The following CDHR3 variants were observed in gnomAD, a reference collection of about 807,000 sequenced individuals.
CDHR3 encodes cadherin-related family member 3.
Under a neutral mutation model 86.6 loss-of-function variants are expected in CDHR3, and 79 were observed. That is an observed-to-expected ratio of 0.91 (90% CI 0.76 to 1.10). The LOEUF (loss-of-function observed/expected upper bound fraction) is 1.10. CDHR3 is among the 50% of genes least tolerant of loss of function. The pLI is 0.00. For synonymous variants in CDHR3, 421 were observed against 402.4 expected (o/e 1.05, Z -0.55); for missense variants, 1,081 against 1,077.6 (o/e 1.00, Z -0.04).
At chr7:106,020,325 C>T (rs377065669) in intron 12 of CDHR3, 48 bp from the exon 13 acceptor site, 213 of 1,511,938 alleles carry the variant, frequency 1.4e-4, no homozygotes, top group Non-Finnish European at 1.8e-4. Context: ...ACAGTAAGCA[C>T]TCAATGAGTT....
Position 106,022,447 on chromosome 7 carries a change from G to A in CDHR3, c.2075G>A (p.Arg692Lys). The change falls in exon 14 of 19, where the codon AGG becomes AAG. Residue 692 changes from arginine (R) to lysine (K), a missense_variant and splice_region_variant. Coordinates refer to ENST00000317716, the MANE Select transcript of CDHR3 (RefSeq NM_152750.5). Reference sequence around the variant, plus strand: ...ACCACTATCATCACCACGACCCCCAGGGTAAGGGCTTTAGGACCTGGAATC... The same window carrying A: ...ACCACTATCATCACCACGACCCCCAAGGTAAGGGCTTTAGGACCTGGAATC... ...HPTTIITTTP[R>K]PRVTYQVLRK... 6.2e-7 allele frequency: 1 copy of A among 1,613,182 alleles called. No homozygotes were observed. Among genetic ancestry groups the A allele is most frequent in the Non-Finnish European group, 8.5e-7 (1 of 1,179,310 alleles).
chr7:106,032,684 A>G lies in CDHR3; in HGVS notation c.2645A>G (p.His882Arg). 6.2e-7 allele frequency: 1 copy of G among 1,611,042 alleles called. No homozygotes were observed. Among genetic ancestry groups the G allele is most frequent in the Middle Eastern group, 1.7e-4 (1 of 6,006 alleles). ...AFMNRAYPKP[H>R]PGK The stretch of plus-strand genomic sequence containing the variant: ...ATGAACAGGGCTTACCCCAAACCAC[A>G]CCCAGGAAAGTAAACGGGGTCTAAG... Residue 882 changes from histidine to arginine, a missense_variant, in exon 19 of 19, where the codon CAC becomes CGC. Transcript: ENST00000317716.
At chr7:106,015,733 T>C (rs1410266925) in intron 10 of CDHR3, 194 bp from the exon 11 acceptor site, 6 of 627,832 alleles carry the variant, frequency 9.6e-6, no homozygotes, top group Non-Finnish European at 1.7e-5. Flanking sequence ...CTGGGTTCTG[T>C]AGTGCTCTGT....
At chr7:106,021,812 A>G (rs1050177357) in intron 13 of CDHR3, among the ~76,000 whole-genome samples, 1 of 152,204 alleles carries the variant, frequency 6.6e-6, no homozygotes, top group African/African-American at 2.4e-5. Context: ...AAACCCACTC[A>G]TTTGTTTGAG....
chr7:106,017,959 A>G lies in CDHR3; in HGVS notation c.1540A>G (p.Ile514Val), dbSNP rs905438957. The G allele has an allele frequency of 4.3e-6, 7 of 1,613,722 alleles. No homozygotes were observed. The African/African-American group carries it at 6.7e-5, about 15-fold the overall frequency. ...CCTCCAGTATCCAAATGTATTTTGGATTAATCCCAAGACAGGAGAACTCCA... is the reference window on the plus strand; with the variant it reads ...CCTCCAGTATCCAAATGTATTTTGGGTTAATCCCAAGACAGGAGAACTCCA... ...ASLQYPNVFWINPKTGELQLV... is the reference protein window; with the variant it reads ...ASLQYPNVFWVNPKTGELQLV... The change falls in exon 12 of 19, where the codon ATT (isoleucine) becomes GTT (valine). Residue 514 changes from isoleucine to valine, a missense_variant. Ile to Val is a conservative substitution (Grantham distance 29). Transcript: ENST00000317716.
At chr7:106,021,384 C>A (rs893575518) in intron 13 of CDHR3, among the ~76,000 whole-genome samples, 1 of 152,080 alleles carries the variant, frequency 6.6e-6, no homozygotes, top group African/African-American at 2.4e-5. Flanking sequence ...GAAACTGCCT[C>A]GAGACTGCAG....
At chr7:105,969,127 T>G (rs1214200716) in intron 1 of CDHR3, among the ~76,000 whole-genome samples, 4 of 148,060 alleles carry the variant, frequency 2.7e-5, no homozygotes, top group Admixed American at 2.7e-4. Context: ...CCGGGCGTGG[T>G]GGCTCACGCC....
intron 4 of CDHR3, 107 bp downstream of exon 4, chr7:105,984,396 G>C: frequency 1.5e-6 from 1 of 681,202 alleles, no homozygotes; most frequent in Non-Finnish European, 2.4e-6. Context: ...GGCAGTCAGG[G>C]GAATGTGCGT....
chr7:105,977,838 C>T (rs1585533336), intron 2 of CDHR3, among the ~76,000 whole-genome samples: 2 of 152,166 alleles, frequency 1.3e-5, no homozygotes, highest in African/African-American at 4.8e-5. Context: ...GCCAAGCCTC[C>T]CTGCTTTGGG....
intron 6 of CDHR3, among the ~76,000 whole-genome samples, chr7:105,998,255 TCAAA>T (rs369104290): frequency 9.8e-5 from 15 of 152,358 alleles, no homozygotes; most frequent in Middle Eastern, 6.8e-3. Flanking sequence ...AATTAAATCT[TCAAA>T]CAGACTCAAG....
chr7:105,966,119 T>C (rs913832436), intron 1 of CDHR3, among the ~76,000 whole-genome samples: 1 of 152,192 alleles, frequency 6.6e-6, no homozygotes, highest in African/African-American at 2.4e-5. Flanking sequence ...TGGAAAGAGT[T>C]GAGACAAAGC....
At chr7:105,981,593 T>C (rs977542419) in intron 3 of CDHR3, among the ~76,000 whole-genome samples, 2 of 152,186 alleles carry the variant, frequency 1.3e-5, no homozygotes, top group African/African-American at 4.8e-5. Context: ...TCCCCCAAGC[T>C]CATGGCTTTG....
intron 10 of CDHR3, 74 bp from the exon 11 acceptor site, chr7:106,015,853 T>C: frequency 9.1e-7 from 1 of 1,102,664 alleles, no homozygotes; most frequent in South Asian, 1.3e-5. Context: ...CACAGGAGAT[T>C]CTTTAAAGAT....
At chr7:106,024,350 T>C (rs751714463) in intron 14 of CDHR3, 31 bp from the exon 15 acceptor site, 1 of 1,604,618 alleles carries the variant, frequency 6.2e-7, no homozygotes, top group Non-Finnish European at 8.5e-7. Context: ...TACCACCCTC[T>C]ACTCACCCTC....
chr7:106,002,425 T>G (rs1364230100), intron 7 of CDHR3, among the ~76,000 whole-genome samples: 1 of 152,198 alleles, frequency 6.6e-6, no homozygotes. Context: ...TTTAGCAAGG[T>G]CCGTTTGTTC....
At chr7:106,005,396 A>C (rs928121180) in intron 8 of CDHR3, among the ~76,000 whole-genome samples, 13 of 152,268 alleles carry the variant, frequency 8.5e-5, no homozygotes. Context: ...TCAAAAAGCC[A>C]CATGATTAGT....
chr7:105,996,396 G>T (rs576023062), intron 6 of CDHR3, 42 bp downstream of exon 6: 1 of 1,196,614 alleles, frequency 8.4e-7, no homozygotes, highest in South Asian at 1.3e-5. Context: ...CCGCAGGTGC[G>T]TCCTTCTTAG....
chr7:105,974,345 T>C (rs1828446382), intron 1 of CDHR3, among the ~76,000 whole-genome samples: 1 of 152,174 alleles, frequency 6.6e-6, no homozygotes, highest in Non-Finnish European at 1.5e-5. Flanking sequence ...ACTAATGGAC[T>C]TGGAGAGATT....
At chr7:106,023,095 T>G (rs960822113) in intron 14 of CDHR3, among the ~76,000 whole-genome samples, 2 of 152,188 alleles carry the variant, frequency 1.3e-5, no homozygotes, top group Non-Finnish European at 2.9e-5. Context: ...CAGCACCACC[T>G]GGAAACTGGT....
Sources: gnomAD v4.1 joint callset for allele counts (sites outside exome capture counted in the v4.1 genomes callset) on GRCh38, gnomAD v4.1.1 for gene constraint, MANE v1.5 for transcripts, NCBI Gene and HGNC (gene_info 2026-07-23, HGNC 2026-07-21) for gene names.